The following HDLBP variants were observed in gnomAD, a reference collection of about 807,000 sequenced individuals.
HDLBP encodes vigilin.
Under a neutral mutation model 137.3 loss-of-function variants are expected in HDLBP, and 30 were observed. The ratio of observed to expected loss-of-function variants is 0.22; its 90% CI spans 0.16 to 0.30. The LOEUF is 0.30. Ranked by LOEUF, HDLBP falls within the 10% of genes least tolerant of loss-of-function variation. The pLI is 1.00. For missense variants in HDLBP, 1,119 were observed against 1,667.3 expected, an observed-to-expected ratio of 0.67 and a Z score of 5.73; for synonymous variants, 606 against 596.0, an observed-to-expected ratio of 1.02 and a Z score of -0.24.
rs1444526185 is a variant in HDLBP at position 241,246,834 on chromosome 2, T to C, written c.1868A>G (p.Asn623Ser). The C allele has an allele frequency of 2.5e-6, 4 of 1,614,138 alleles. No individual in the cohort carries two copies. The highest frequency in any genetic ancestry group is 2.2e-5 in the East Asian group (1 of 44,888). ...TKIDLPAENS[N>S]SETIIITGKR... ...GCCTGTGATGATAATGGTCTCTGAA[T>C]TGCTATTCTCTGCTGGAAGGTCGAT... Residue 623 changes from asparagine to serine, a missense_variant, in exon 16 of 28, where the codon AAT becomes AGT. This residue lies in a region of HDLBP where 425 missense variants were observed against 693.9 expected (regional missense o/e 0.61). Coordinates refer to ENST00000310931, the MANE Select transcript of HDLBP (RefSeq NM_005336.6).
chr2:241,241,142 G>C (rs955589251), intron 17 of HDLBP, among the ~76,000 whole-genome samples: 2 of 152,044 alleles, frequency 1.3e-5, no homozygotes, highest in South Asian at 2.1e-4. Flanking sequence ...GAAACGCAAG[G>C]CTGGTTAAAC....
chr2:241,306,761 A>G (rs573257581), intron 1 of HDLBP, among the ~76,000 whole-genome samples: 40 of 151,870 alleles, frequency 2.6e-4, no homozygotes, highest in African/African-American at 9.4e-4. Flanking sequence ...GCATGCCTGT[A>G]GTCCCAGCTA....
At chr2:241,292,743 T>G (rs2075048930) in intron 1 of HDLBP, among the ~76,000 whole-genome samples, 3 of 151,952 alleles carry the variant, frequency 2.0e-5, no homozygotes, top group Admixed American at 6.6e-5. Flanking sequence ...GAAAGCTGGG[T>G]GACAGGCATA....
chr2:241,235,414 G>C (rs1027009440), intron 22 of HDLBP, 76 bp downstream of exon 22: 5 of 1,463,406 alleles, frequency 3.4e-6, no homozygotes, highest in Non-Finnish European at 4.8e-6. Flanking sequence ...ACAGGAAGTT[G>C]AGAAAGGACA....
At chr2:241,255,340 A>C (rs1559508510) in intron 8 of HDLBP, 34 bp downstream of exon 8, 1 of 1,591,482 alleles carries the variant, frequency 6.3e-7, no homozygotes, top group Non-Finnish European at 8.6e-7. Flanking sequence ...GACTCCACTC[A>C]AAGGAGACAC....
chr2:241,248,093 T>C lies in HDLBP; in HGVS notation c.1641A>G (p.Pro547=), dbSNP rs769585387. The change falls in exon 14 of 28, where the codon CCA becomes CCG. Residue 547 remains proline (P), a synonymous_variant. Transcript: ENST00000310931. ...FPEVIINFPD[P]AQKSDIVQLR... ...GCTGGACAATGTCACTTTTTTGTGC[T>C]GGGTCTGGAAAGTTAATGATGACCT... 5 of 1,614,162 alleles carry C rather than the reference T, an allele frequency of 3.1e-6. No homozygotes were observed. The Admixed American group carries it at 6.7e-5, about 22-fold the overall frequency.
intron 1 of HDLBP, among the ~76,000 whole-genome samples, chr2:241,313,597 C>T (rs887004298): frequency 3.3e-5 from 5 of 152,270 alleles, no homozygotes; most frequent in South Asian, 2.1e-4. Flanking sequence ...TATATCCTCT[C>T]AACCTTTGTA....
chr2:241,242,645 C>T lies in HDLBP; in HGVS notation c.1984G>A (p.Ala662Thr). The change falls in exon 17 of 28, where the codon GCC (alanine) becomes ACC (threonine). Residue 662 changes from alanine to threonine, a missense_variant. Ala to Thr is a moderately conservative substitution (Grantham distance 58, BLOSUM62 0). This residue lies in a region of HDLBP where 425 missense variants were observed against 693.9 expected (regional missense o/e 0.61). Coordinates refer to ENST00000310931, the MANE Select transcript of HDLBP (RefSeq NM_005336.6). ...NIAEVEVSIP[A>T]KLHNSLIGTK... is the part of the protein sequence containing the mutation. ...CCAATGAGGGAGTTGTGCAGCTTGG[C>T]AGGGATGGAGACCTCTACCTCGGCT... 2 of 1,614,068 alleles carry T rather than the reference C, an allele frequency of 1.2e-6. No homozygotes were observed. Among genetic ancestry groups the T allele is most frequent in the South Asian group, 1.1e-5 (1 of 91,056 alleles).
chr2:241,275,935 C>T (rs1429807288), intron 1 of HDLBP, among the ~76,000 whole-genome samples: 1 of 151,964 alleles, frequency 6.6e-6, no homozygotes, highest in African/African-American at 2.4e-5. Context: ...AAAATGAAAG[C>T]CAGAGAGACC....
At chr2:241,276,428 T>C (rs766575093) in intron 1 of HDLBP, among the ~76,000 whole-genome samples, 1 of 151,916 alleles carries the variant, frequency 6.6e-6, no homozygotes, top group Non-Finnish European at 1.5e-5. Context: ...GAAAAAAGAA[T>C]AGGAGGCAAG....
At chr2:241,236,287 A>G (rs778691833) in intron 21 of HDLBP, 14 of 344,010 alleles carry the variant, frequency 4.1e-5, no homozygotes, top group Non-Finnish European at 5.9e-5. Context: ...GCGGGGGGAG[A>G]CGTTGCAACT....
At chr2:241,284,268 T>C (rs1176280822) in intron 1 of HDLBP, among the ~76,000 whole-genome samples, 2 of 152,218 alleles carry the variant, frequency 1.3e-5, no homozygotes, top group East Asian at 1.9e-4. Flanking sequence ...GCAAAGTCCA[T>C]TGAAAACCTC....
intron 1 of HDLBP, among the ~76,000 whole-genome samples, chr2:241,291,213 AG>A (rs1371548552): frequency 6.6e-6 from 1 of 152,252 alleles, no homozygotes; most frequent in Non-Finnish European, 1.5e-5. Context: ...TTTTAGCCTA[AG>A]AAAATGATAC....
At chr2:241,267,842 C>A in intron 2 of HDLBP, 1 of 1,435,388 alleles carries the variant, frequency 7.0e-7, no homozygotes, top group Non-Finnish European at 9.1e-7. Flanking sequence ...ACTCGCACAG[C>A]AGGGGAAACC....
chr2:241,254,985 A>G (rs561477115), intron 9 of HDLBP, 66 bp downstream of exon 9: 80 of 1,243,414 alleles, frequency 6.4e-5, no homozygotes, highest in African/African-American at 6.2e-4. Context: ...CAACAAAGCA[A>G]TATCAGAAAC....
chr2:241,236,828 T>G, intron 20 of HDLBP, 59 bp from the exon 21 acceptor site: 1 of 1,569,478 alleles, frequency 6.4e-7, no homozygotes, highest in Non-Finnish European at 8.7e-7. Context: ...CCACACCTTG[T>G]TCAGAATGCA....
Position 241,230,065 on chromosome 2 carries a change from C to A in HDLBP, c.3591+88G>T. ...TCGCCTGCCTCTGGAAACACAAGTG[C>A]CACCTTGTCCCCTGAAGCTCCTGGC... is the stretch of plus-strand genomic sequence containing the variant. On this transcript the variant is annotated intron_variant, in intron 26 of 27. Coordinates refer to ENST00000310931, the MANE Select transcript of HDLBP (RefSeq NM_005336.6). This position sits in a 1 kb window ranked among gnomAD's most constrained non-coding sequence, Gnocchi z 5.0. 2 of 1,578,274 alleles carry A rather than the reference C, an allele frequency of 1.3e-6. No homozygotes were observed. The highest frequency in any genetic ancestry group is 8.7e-7 in the Non-Finnish European group (1 of 1,154,340).
intron 1 of HDLBP, among the ~76,000 whole-genome samples, chr2:241,314,868 T>C (rs1206426646): frequency 1.3e-5 from 2 of 152,078 alleles, no homozygotes; most frequent in Non-Finnish European, 2.9e-5. Flanking sequence ...GGGGGAAACC[T>C]AGGAAGGCTT....
At chr2:241,258,033 T>G (rs2072826498) in intron 5 of HDLBP, among the ~76,000 whole-genome samples, 1 of 151,870 alleles carries the variant, frequency 6.6e-6, no homozygotes, top group African/African-American at 2.4e-5. Context: ...ATGAGAGGAT[T>G]GTTTGAGCCC....
Sources: gnomAD v4.1 joint callset for allele counts (sites outside exome capture counted in the v4.1 genomes callset) on GRCh38, gnomAD v4.1.1 for gene constraint, gnomAD v4.1.1 regional missense constraint, Gnocchi (gnomAD v3.1) non-coding constraint, MANE v1.5 for transcripts, NCBI Gene and HGNC (gene_info 2026-07-23, HGNC 2026-07-21) for gene names.